MXD1: variants seen among roughly 807,000 people sequenced by gnomAD.
The protein encoded by MXD1 is MAX dimerization protein 1.
Under a neutral mutation model 25.7 loss-of-function variants are expected in MXD1, and 9 were observed. The observed-to-expected ratio is 0.35, with a 90% confidence interval of 0.21 to 0.61. MXD1 has a LOEUF of 0.61. Among genes scored for constraint, MXD1 ranks in the 20% least tolerant of loss-of-function variants. The pLI is 0.75. For missense variants in MXD1, 227 were observed against 292.4 expected (o/e 0.78, Z 1.63); for synonymous variants, 99 against 113.9 (o/e 0.87, Z 0.83).
Position 69,940,664 on chromosome 2 carries a change from CT to C in MXD1, c.*2384del, listed in dbSNP as rs1677575060. On this transcript the variant is annotated 3_prime_UTR_variant, in exon 6 of 6. Coordinates refer to ENST00000264444, the MANE Select transcript of MXD1 (RefSeq NM_002357.4). ...TGACCTTTGCACTGTTTGTCTGGTC[CT>C]TTTCAGTTTGATTGCATATAAATGT... The C allele has an allele frequency of 6.6e-6, 1 of 152,554 alleles. No homozygotes were observed. Among genetic ancestry groups the C allele is most frequent in the Admixed American group, 6.5e-5 (1 of 15,270 alleles). The allele number at this position is 152,554 out of a possible 1,614,324, so 9.5% of individuals were successfully genotyped here.
Position 69,937,377 on chromosome 2 carries a change from G to A in MXD1, c.461G>A (p.Arg154His), listed in dbSNP as rs199653855. Reference sequence around the variant, plus strand: ...ATCGGCTCCACCGTCTCCTCGGAGCGCTCCGACTCCGACAGGGGTGAGCCT... The same window carrying A: ...ATCGGCTCCACCGTCTCCTCGGAGCACTCCGACTCCGACAGGGGTGAGCCT... Reference protein sequence around the residue: ...DSIGSTVSSERSDSDREEIDV... With the variant: ...DSIGSTVSSEHSDSDREEIDV... Residue 154 changes from arginine (R) to histidine (H), a missense_variant, in exon 5 of 6, where the codon CGC becomes CAC. By Grantham distance (29) the Arg-to-His change is conservative (BLOSUM62 0). Transcript: ENST00000264444. 2.5e-5 allele frequency: 41 copies of A among 1,608,676 alleles called. No homozygotes were observed. Among genetic ancestry groups the A allele is most frequent in the Admixed American group, 2.0e-4 (12 of 59,156 alleles).
At position 69,928,584 on chromosome 2, in the gene MXD1, T is replaced by G. The variant is rs147438484; in HGVS notation, c.204-6767T>G. ...CTTACTCAATATTGTATCCCAAGAC[T>G]TGCTGGGGGCACTGGCTCACAACTG... is the stretch of plus-strand genomic sequence containing the variant. On this transcript the variant is annotated intron_variant, in intron 3 of 5. Transcript: ENST00000264444. Among the ~76,000 whole-genome samples the G allele has an allele frequency of 4.0e-4, 61 of 152,150 alleles. No individual in the cohort carries two copies. In the East Asian group the frequency reaches 9.7e-3, roughly 24 times the overall value.
At position 69,942,635 on chromosome 2, in the gene MXD1, C is replaced by T. The variant is rs150948584; in HGVS notation, c.*4351C>T. 29 of 152,290 alleles carry T rather than the reference C, an allele frequency of 1.9e-4. No individual in the cohort carries two copies. The highest frequency in any genetic ancestry group is 6.0e-4 in the African/African-American group (25 of 41,558). The allele number at this position is 152,290 out of a possible 1,614,324, so 9.4% of individuals were successfully genotyped here. ...ACAACCAAACTTGCCTTTACCCCAT[C>T]CCTAGAATTGGTGCTCTTGGAATAT... On this transcript the variant is annotated 3_prime_UTR_variant, in exon 6 of 6. Transcript: ENST00000264444.
chr2:69,934,778 T>C (rs186062114), intron 3 of MXD1, among the ~76,000 whole-genome samples: 107 of 152,376 alleles, frequency 7.0e-4, no homozygotes, highest in South Asian at 1.0e-3. Flanking sequence ...TCTCATTCTT[T>C]TTGATAGCTA....
intron 3 of MXD1, among the ~76,000 whole-genome samples, chr2:69,922,726 A>G (rs1677089515): frequency 1.3e-5 from 2 of 152,024 alleles, no homozygotes; most frequent in African/African-American, 4.8e-5. Flanking sequence ...CTAATAATAC[A>G]AAAATTAGCC....
At chr2:69,917,286 G>A (rs1676979967) in intron 2 of MXD1, among the ~76,000 whole-genome samples, 1 of 152,146 alleles carries the variant, frequency 6.6e-6, no homozygotes, top group Admixed American at 6.5e-5. Context: ...CATTACTTGT[G>A]CCATGCCCTT....
intron 3 of MXD1, among the ~76,000 whole-genome samples, chr2:69,925,724 C>G (rs1404226387): frequency 1.3e-5 from 2 of 152,028 alleles, no homozygotes; most frequent in African/African-American, 2.4e-5. Context: ...TAGATTCTTC[C>G]CAGAACCTAA....
At chr2:69,920,990 G>T (rs1419814719) in intron 2 of MXD1, among the ~76,000 whole-genome samples, 1 of 151,966 alleles carries the variant, frequency 6.6e-6, no homozygotes, top group African/African-American at 2.4e-5. Context: ...TTACCTCATT[G>T]GTCCATACTT....
chr2:69,920,641 C>G (rs1367224694), intron 2 of MXD1, among the ~76,000 whole-genome samples: 1 of 152,050 alleles, frequency 6.6e-6, no homozygotes, highest in African/African-American at 2.4e-5. Flanking sequence ...TTTCCTAAGC[C>G]CAGTAAGGTG....
rs1677530545 is a variant in MXD1, at chr2:69,938,950, G to C, written c.*666G>C. On this transcript the variant is annotated 3_prime_UTR_variant, in exon 6 of 6. Transcript: ENST00000264444. The stretch of plus-strand genomic sequence containing the variant: ...GCACAGCTCATCAAAGTTCCAAATT[G>C]TTTGTTCTCACAAACAAAACGGTAC... The C allele has an allele frequency of 1.3e-5, 2 of 152,724 alleles. No homozygotes were observed. Among genetic ancestry groups the C allele is most frequent in the South Asian group, 4.1e-4 (2 of 4,820 alleles). The allele number at this position is 152,724 out of a possible 1,614,324, so 9.5% of individuals were successfully genotyped here.
At chr2:69,919,230 A>G (rs2104162047) in intron 2 of MXD1, among the ~76,000 whole-genome samples, 1 of 152,170 alleles carries the variant, frequency 6.6e-6, no homozygotes, top group Non-Finnish European at 1.5e-5. Context: ...GTTATTTTCT[A>G]CTCTCTTCTC....
At chr2:69,934,874 A>C (rs545267880) in intron 3 of MXD1, among the ~76,000 whole-genome samples, 12 of 152,344 alleles carry the variant, frequency 7.9e-5, no homozygotes, top group Non-Finnish European at 1.5e-4. Context: ...AATCTTTGCT[A>C]TTACAAATAA....
At chr2:69,937,158 A>G in intron 4 of MXD1, 77 bp from the exon 5 acceptor site, 1 of 1,572,424 alleles carries the variant, frequency 6.4e-7, no homozygotes, top group Non-Finnish European at 8.7e-7. Context: ...TTCCACTGCT[A>G]GAAGGGAAGA....
rs938889015 is a variant in MXD1, at chr2:69,915,490, G to T, written c.73+87G>T. 2.4e-5 allele frequency: 27 copies of T among 1,135,028 alleles called. No homozygotes were observed. The highest frequency in any genetic ancestry group is 1.3e-4 in the Admixed American group (3 of 23,610). 70.3% of individuals were successfully genotyped at this position (1,135,028 alleles called of 1,614,324 possible). ...CAGGTCCGGGCGCCCAGCCGCTCCG[G>T]GGGTGGTTGGAGGCGGGGAGACCGC... On this transcript the variant is annotated intron_variant, in intron 1 of 5. Transcript: ENST00000264444. The surrounding 1 kb of genome is among the most constrained non-coding windows in gnomAD (Gnocchi z 5.8).
At chr2:69,921,611 T>C in intron 2 of MXD1, 125 bp from the exon 3 acceptor site, 1 of 735,134 alleles carries the variant, frequency 1.4e-6, no homozygotes, top group Non-Finnish European at 2.1e-6. Flanking sequence ...CCAGTGAATT[T>C]TTCTGCCTTT....
chr2:69,932,158 C>A (rs765767930), intron 3 of MXD1, among the ~76,000 whole-genome samples: 2 of 152,040 alleles, frequency 1.3e-5, no homozygotes, highest in Non-Finnish European at 2.9e-5. Flanking sequence ...TGTTTTGGAT[C>A]TGGGAGCTCC....
At chr2:69,937,047 G>A (rs1212472873) in intron 4 of MXD1, 188 bp from the exon 5 acceptor site, 1 of 776,552 alleles carries the variant, frequency 1.3e-6, no homozygotes, top group African/African-American at 1.7e-5. Context: ...TGGCGATGCT[G>A]AAGAGTCAGA....
chr2:69,939,436 G>A lies in MXD1; in HGVS notation c.*1152G>A, dbSNP rs775758212. The A allele has an allele frequency of 6.6e-6, 1 of 152,532 alleles. No homozygotes were observed. Among genetic ancestry groups the A allele is most frequent in the South Asian group, 2.1e-4 (1 of 4,832 alleles). The allele number at this position is 152,532 out of a possible 1,614,324, so 9.4% of individuals were successfully genotyped here. Reference sequence around the variant, plus strand: ...TTGGTTATGATTTCTCCCTTAAGTGGTCTCCGACTTTGTAGCATTTTTATT... The same window carrying A: ...TTGGTTATGATTTCTCCCTTAAGTGATCTCCGACTTTGTAGCATTTTTATT... On this transcript the variant is annotated 3_prime_UTR_variant, in exon 6 of 6. Coordinates refer to ENST00000264444, the MANE Select transcript of MXD1 (RefSeq NM_002357.4).
chr2:69,937,179 A>T (rs1017925306), intron 4 of MXD1, 56 bp from the exon 5 acceptor site: 1 of 1,605,740 alleles, frequency 6.2e-7, no homozygotes, highest in Non-Finnish European at 8.5e-7. Flanking sequence ...TGCGGGGGCC[A>T]TTGCCCATTT....
Sources: gnomAD v4.1 joint callset for allele counts (sites outside exome capture counted in the v4.1 genomes callset) on GRCh38, gnomAD v4.1.1 for gene constraint, Gnocchi (gnomAD v3.1) non-coding constraint, MANE v1.5 for transcripts, NCBI Gene and HGNC (gene_info 2026-07-23, HGNC 2026-07-21) for gene names.